GAK: variants seen among roughly 807,000 people sequenced by gnomAD.
The protein encoded by GAK is cyclin G associated kinase, also known as cyclin-G-associated kinase.
In GAK, 79 loss-of-function variants were observed where a neutral mutation model predicts 143.9. That is an observed-to-expected ratio of 0.55 (90% confidence interval 0.46 to 0.66). The LOEUF (loss-of-function observed/expected upper bound fraction) is 0.66. Ranked by LOEUF, GAK falls within the 30% of genes least tolerant of loss-of-function variation. GAK has a pLI of 0.00. For missense variants in GAK, 1,693 were observed against 1,779.7 expected (o/e 0.95, Z 0.88); for synonymous variants, 881 against 765.5 (o/e 1.15, Z -2.49).
intron 6 of GAK, among the ~76,000 whole-genome samples, chr4:897,191 C>A (rs769740131): frequency 1.7e-4 from 26 of 152,218 alleles, no homozygotes; most frequent in African/African-American, 5.5e-4. Flanking sequence ...AAACCCCATC[C>A]TCAGCTGCAG....
rs146926083 is a variant in GAK at position 882,709 on chromosome 4, G to T, written c.1515C>A (p.Val505=). The change falls in exon 14 of 28, where the codon GTC becomes GTA. Residue 505 remains valine, a synonymous_variant. Coordinates refer to ENST00000314167, the MANE Select transcript of GAK (RefSeq NM_005255.4). ...WLRQDHKNVC[V]VHCMDGRAAS... ...CCCTCGAGCTCACCATGCAGTGCAC[G>T]ACGCAGACGTTCTTGTGGTCCTGCC... 1.9e-6 allele frequency: 3 copies of T among 1,612,296 alleles called. No individual in the cohort carries two copies. Among genetic ancestry groups the T allele is most frequent in the East Asian group, 2.2e-5 (1 of 44,888 alleles).
At chr4:868,177 T>C (rs941897929) in intron 20 of GAK, among the ~76,000 whole-genome samples, 7 of 151,994 alleles carry the variant, frequency 4.6e-5, no homozygotes, top group Non-Finnish European at 1.0e-4. Context: ...AAGAGAGGTG[T>C]GGGATCCCCA....
chr4:863,818 T>C (rs969074979), intron 23 of GAK, among the ~76,000 whole-genome samples: 1 of 148,346 alleles, frequency 6.7e-6, no homozygotes, highest in Non-Finnish European at 1.5e-5. Context: ...AGGTCAGGAG[T>C]TCGAGACCAG....
At chr4:931,384 G>T (rs892926758) in intron 1 of GAK, among the ~76,000 whole-genome samples, 1 of 151,986 alleles carries the variant, frequency 6.6e-6, no homozygotes, top group African/African-American at 2.4e-5. Context: ...GACGAAGGGG[G>T]ATCACGAGAC....
chr4:901,741 G>A (rs1055153409), intron 5 of GAK, among the ~76,000 whole-genome samples: 3 of 152,230 alleles, frequency 2.0e-5, no homozygotes, highest in African/African-American at 7.2e-5. Context: ...TGGCCTCCTC[G>A]TCCCCTTGGC....
rs533395192 is a variant in GAK, at chr4:858,472, C to G, written c.3283+1134G>C. On this transcript the variant is annotated intron_variant, in intron 24 of 27. Coordinates refer to ENST00000314167, the MANE Select transcript of GAK (RefSeq NM_005255.4). ...CTGCCCAGGGCAGTCAAGGCACACGCAGGTCTCCTCCCGAGGGCACGGCCC... is the reference window on the plus strand; with the variant it reads ...CTGCCCAGGGCAGTCAAGGCACACGGAGGTCTCCTCCCGAGGGCACGGCCC... 1.7e-3 allele frequency among the ~76,000 whole-genome samples: 255 copies of G among 152,294 alleles called. 6 individuals carry two copies. The highest frequency in any genetic ancestry group is 3.4e-3 in the Middle Eastern group (1 of 294).
chr4:860,767 C>T (rs949787649), intron 23 of GAK, among the ~76,000 whole-genome samples: 1 of 150,860 alleles, frequency 6.6e-6, no homozygotes, highest in Non-Finnish European at 1.5e-5. Context: ...GGACGGGCAC[C>T]CAGGCCCTGG....
At chr4:889,477 GC>G (rs1435746531) in intron 10 of GAK, among the ~76,000 whole-genome samples, 5 of 152,016 alleles carry the variant, frequency 3.3e-5, no homozygotes, top group Admixed American at 6.5e-5. Context: ...AGTCCCTCAT[GC>G]AGACAGGAGA....
chr4:911,487 C>T (rs991817773), intron 4 of GAK, among the ~76,000 whole-genome samples, 186 bp downstream of exon 4: 20 of 152,010 alleles, frequency 1.3e-4, no homozygotes, highest in African/African-American at 4.8e-4. Context: ...GTGGGAAGCT[C>T]ACTGGGCGTC....
chr4:868,968 C>T, intron 19 of GAK: 1 of 448,434 alleles, frequency 2.2e-6, no homozygotes, highest in Non-Finnish European at 4.1e-6. Context: ...CACACATATG[C>T]AGGGTACACA....
chr4:856,107 G>A (rs886937875), intron 24 of GAK, among the ~76,000 whole-genome samples: 4 of 152,108 alleles, frequency 2.6e-5, no homozygotes, highest in African/African-American at 4.8e-5. Context: ...TCCCACCTCA[G>A]CTTGCTGAGT....
chr4:871,049 C>G (rs1712493876), intron 18 of GAK, 145 bp from the exon 19 acceptor site: 1 of 695,212 alleles, frequency 1.4e-6, no homozygotes, highest in South Asian at 2.0e-5. Flanking sequence ...CCACCCCCGC[C>G]TGCGGAAGCT....
At chr4:903,980 C>T (rs977012421) in intron 5 of GAK, among the ~76,000 whole-genome samples, 4 of 152,278 alleles carry the variant, frequency 2.6e-5, no homozygotes, top group Non-Finnish European at 5.9e-5. Context: ...GGAAAAGCAA[C>T]GTTTCTGGAA....
intron 10 of GAK, among the ~76,000 whole-genome samples, chr4:889,256 G>A (rs1717175450): frequency 6.6e-6 from 1 of 152,226 alleles, no homozygotes; most frequent in South Asian, 2.1e-4. Context: ...GGTCAATCTG[G>A]GTGCGGAAGG....
chr4:883,211 C>T (rs2152816413), intron 13 of GAK, 104 bp downstream of exon 13: 2 of 1,384,492 alleles, frequency 1.4e-6, no homozygotes, highest in Non-Finnish European at 9.8e-7. Context: ...CCTCCGGCCG[C>T]CCCCATCACA....
At chr4:871,211 C>T (rs1712543498) in intron 18 of GAK, among the ~76,000 whole-genome samples, 1 of 152,332 alleles carries the variant, frequency 6.6e-6, no homozygotes, top group Non-Finnish European at 1.5e-5. Context: ...GGGCACCGGG[C>T]GGGGCCGCCA....
chr4:907,622 T>C (rs1048797166), intron 4 of GAK, among the ~76,000 whole-genome samples: 3 of 152,232 alleles, frequency 2.0e-5, no homozygotes, highest in Admixed American at 6.5e-5. Flanking sequence ...GGAACCGGTA[T>C]GTGGCTCTTC....
chr4:889,873 C>T (rs964622984), intron 10 of GAK, among the ~76,000 whole-genome samples: 2 of 152,228 alleles, frequency 1.3e-5, no homozygotes, highest in African/African-American at 2.4e-5. Context: ...CACTCCTCAC[C>T]AGCTGAGGGC....
Position 882,693 on chromosome 4 carries a change from T to C in GAK, c.1527+4A>G. ...CGGCGCCAGCCCACGGCCCTCGAGCTCACCATGCAGTGCACGACGCAGACG... is the reference window on the plus strand; with the variant it reads ...CGGCGCCAGCCCACGGCCCTCGAGCCCACCATGCAGTGCACGACGCAGACG... On this transcript the variant is annotated splice_donor_region_variant and intron_variant, in intron 14 of 27. Transcript: ENST00000314167. 1 of 1,611,606 alleles carries C rather than the reference T, an allele frequency of 6.2e-7. No homozygotes were observed. The highest frequency in any genetic ancestry group is 8.5e-7 in the Non-Finnish European group (1 of 1,179,864).
Sources: allele counts gnomAD v4.1 joint callset (sites outside exome capture counted in the v4.1 genomes callset), GRCh38; gene constraint gnomAD v4.1.1; transcripts MANE v1.5; gene names NCBI Gene and HGNC (gene_info 2026-07-23, HGNC 2026-07-21).